The following COL6A6 variants were observed in gnomAD, a reference collection of about 807,000 sequenced individuals.
COL6A6 encodes collagen type VI alpha 6 chain, also known as collagen alpha-6(VI) chain.
Under a neutral mutation model 208.6 loss-of-function variants are expected in COL6A6, and 183 were observed. That is an observed-to-expected ratio of 0.88 (90% CI 0.78 to 0.99). The LOEUF (loss-of-function observed/expected upper bound fraction) is 0.99, where lower values mean the gene tolerates loss of function less well. Ranked by LOEUF, COL6A6 falls within the 50% of genes least tolerant of loss-of-function variation. COL6A6 has a pLI of 0.00. For synonymous variants in COL6A6, 973 were observed against 1,011.8 expected, an observed-to-expected ratio of 0.96 and a Z score of 0.73; for missense variants, 2,816 against 2,815.2, an observed-to-expected ratio of 1.00 and a Z score of -0.01.
Position 130,649,562 on chromosome 3 carries a change from G to A in COL6A6, c.5733G>A (p.Ala1911=), listed in dbSNP as rs781356101. The change falls in exon 33 of 37, where the codon GCG becomes GCA. Residue 1911 remains alanine (A), a splice_region_variant and synonymous_variant. Transcript: ENST00000358511. The part of the protein sequence containing the change: ...SNVPSVRRAF[A]IDDTGTFQVI... ...TGCCCTCGGTCAGGCGCGCATTTGC[G>A]GTATGAGGATGAAACCTTTCACATG... 4.4e-6 allele frequency: 7 copies of A among 1,576,220 alleles called. No homozygotes were observed. Among genetic ancestry groups the A allele is most frequent in the Middle Eastern group, 1.7e-4 (1 of 5,992 alleles).
At position 130,568,487 on chromosome 3, in the gene COL6A6, G is replaced by A. The variant is rs2063085420; in HGVS notation, c.2284G>A (p.Val762Ile). The A allele has an allele frequency of 1.9e-6, 3 of 1,613,858 alleles. No homozygotes were observed. Among genetic ancestry groups the A allele is most frequent in the South Asian group, 1.1e-5 (1 of 91,082 alleles). Reference sequence around the variant, plus strand: ...TTCTGTGGGAGTGTTTGGCTCCAATGTCACCCAGCTTGAGGAGATCAGTGG... The same window carrying A: ...TTCTGTGGGAGTGTTTGGCTCCAATATCACCCAGCTTGAGGAGATCAGTGG... ...IYSVGVFGSN[V>I]TQLEEISGRP... is the part of the protein sequence containing the mutation. The change falls in exon 6 of 37, where the codon GTC becomes ATC. Residue 762 changes from valine to isoleucine, a missense_variant. Val to Ile is a conservative substitution (Grantham distance 29). Coordinates refer to ENST00000358511, the MANE Select transcript of COL6A6 (RefSeq NM_001102608.3).
At chr3:130,661,592 TTTTCTA>T (rs754942917) in intron 34 of COL6A6, 39 bp from the exon 35 acceptor site, 1 of 1,492,024 alleles carries the variant, frequency 6.7e-7, no homozygotes, top group Non-Finnish European at 9.1e-7. Flanking sequence ...CTATCTTCCC[TTTTCTA>T]TTTCTACTTA....
chr3:130,555,002 T>A (rs2062735445), intron 1 of COL6A6, among the ~76,000 whole-genome samples: 1 of 152,128 alleles, frequency 6.6e-6, no homozygotes. Context: ...AGGGCAGCAC[T>A]CAGGTCAGAC....
In COL6A6 at chr3:130,571,322, T is replaced by C; in HGVS notation, c.2906T>C (p.Val969Ala). ...MAGSSDKYFF[V>A]ETFGGLKGIF... is the part of the protein sequence containing the mutation. ...GGATCAAGCGACAAGTACTTCTTCG[T>C]GGAGACTTTTGGAGGTCTGAAGGGA... is the stretch of plus-strand genomic sequence containing the variant. Residue 969 changes from valine (V) to alanine (A), a missense_variant, in exon 7 of 37, where the codon GTG (valine) becomes GCG (alanine). Val to Ala is a moderately conservative substitution (Grantham distance 64). Transcript: ENST00000358511. 1 of 1,613,164 alleles carries C rather than the reference T, an allele frequency of 6.2e-7. No individual in the cohort carries two copies. The highest frequency in any genetic ancestry group is 1.3e-5 in the African/African-American group (1 of 75,052).
At chr3:130,600,825 GT>G (rs1248205412) in intron 20 of COL6A6, among the ~76,000 whole-genome samples, 1 of 151,890 alleles carries the variant, frequency 6.6e-6, no homozygotes, top group Non-Finnish European at 1.5e-5. Context: ...ATACACTTAT[GT>G]AACAAACCTA....
Position 130,565,322 on chromosome 3 carries a change from G to A in COL6A6, c.990G>A (p.Gln330=). The change falls in exon 4 of 37, where the codon CAG becomes CAA. Residue 330 remains glutamine, a synonymous_variant. Coordinates refer to ENST00000358511, the MANE Select transcript of COL6A6 (RefSeq NM_001102608.3). The part of the protein sequence containing the change: ...FSARNGSRKN[Q]GVPQIAVLVT... ...CACGGAATGGCAGTCGGAAGAATCA[G>A]GGGGTGCCCCAGATTGCCGTGCTGG... 1 of 1,613,698 alleles carries A rather than the reference G, an allele frequency of 6.2e-7. No homozygotes were observed. The highest frequency in any genetic ancestry group is 8.5e-7 in the Non-Finnish European group (1 of 1,179,696).
chr3:130,576,673 A>AG, intron 8 of COL6A6, among the ~76,000 whole-genome samples: 1 of 151,938 alleles, frequency 6.6e-6, no homozygotes, highest in Non-Finnish European at 1.5e-5. Context: ...TGCAAAAAAA[A>AG]ATAAGAAAAA....
At chr3:130,546,971 C>G in intron 1 of COL6A6, among the ~76,000 whole-genome samples, 1 of 152,238 alleles carries the variant, frequency 6.6e-6, no homozygotes, top group East Asian at 1.9e-4. Flanking sequence ...TCTCCAAGTC[C>G]CCACCCAACT....
At chr3:130,673,074 G>A (rs1264179836) in intron 36 of COL6A6, among the ~76,000 whole-genome samples, 1 of 143,392 alleles carries the variant, frequency 7.0e-6, no homozygotes, top group Non-Finnish European at 1.5e-5. Flanking sequence ...AGCTACTCAC[G>A]AGGCTGAGGT....
intron 28 of COL6A6, 73 bp from the exon 29 acceptor site, chr3:130,641,579 T>G: frequency 1.4e-6 from 1 of 691,390 alleles, no homozygotes; most frequent in Non-Finnish European, 2.2e-6. Context: ...AATTTTAATT[T>G]TTTAAAATTT....
intron 1 of COL6A6, among the ~76,000 whole-genome samples, chr3:130,529,669 C>A (rs6439240): frequency 0.81 from 123,488 of 152,040 alleles, 50,743 homozygotes; most frequent in Non-Finnish European, 0.87. Flanking sequence ...TCTGCTTTTT[C>A]TGAGGTATCT....
In COL6A6 at chr3:130,556,742, T is replaced by G. The variant is rs60764494; in HGVS notation, c.-31-3592T>G. Among the ~76,000 whole-genome samples, 772 of 152,292 alleles carry G rather than the reference T, an allele frequency of 5.1e-3. 12 individuals carry two copies. The highest frequency in any genetic ancestry group is 0.017 in the African/African-American group (717 of 41,558). On this transcript the variant is annotated intron_variant, in intron 1 of 36. Coordinates refer to ENST00000358511, the MANE Select transcript of COL6A6 (RefSeq NM_001102608.3). ...ATTTCTAGTGGATTCTTTGCACTATTAAAATTTTAGTCCCCTGAAGTTCAT... is the reference window on the plus strand; with the variant it reads ...ATTTCTAGTGGATTCTTTGCACTATGAAAATTTTAGTCCCCTGAAGTTCAT...
chr3:130,606,744 G>A (rs1236440501), intron 20 of COL6A6, among the ~76,000 whole-genome samples, 187 bp from the exon 21 acceptor site: 3 of 152,096 alleles, frequency 2.0e-5, no homozygotes, highest in Non-Finnish European at 2.9e-5. Flanking sequence ...ATATTCAATT[G>A]CCCTAGGATA....
chr3:130,544,102 C>T (rs1262255229), intron 1 of COL6A6, among the ~76,000 whole-genome samples: 1 of 152,192 alleles, frequency 6.6e-6, no homozygotes, highest in African/African-American at 2.4e-5. Context: ...AATCTCCTGA[C>T]TTATTCATCC....
At chr3:130,590,114 A>G (rs1297683378) in intron 12 of COL6A6, 4 of 393,820 alleles carry the variant, frequency 1.0e-5, no homozygotes, top group Admixed American at 8.3e-5. Flanking sequence ...CTAGTTTATC[A>G]GTGGCAAATA....
In COL6A6 at chr3:130,561,777, C is replaced by T. The variant is rs200839611; in HGVS notation, c.65-1291C>T. Among the ~76,000 whole-genome samples the T allele has an allele frequency of 3.4e-3, 520 of 150,900 alleles. 3 individuals carry two copies. The highest frequency in any genetic ancestry group is 5.8e-3 in the Non-Finnish European group (391 of 67,758). On this transcript the variant is annotated intron_variant, in intron 2 of 36. Transcript: ENST00000358511. ...ACGCCATTCTCCTGCCTCAGCCTCC[C>T]GAGTAGCTGGGACTACAGGCGCCCG... is the stretch of plus-strand genomic sequence containing the variant.
At position 130,650,292 on chromosome 3, in the gene COL6A6, G is replaced by A. The variant is rs184551106; in HGVS notation, c.5733+730G>A. On this transcript the variant is annotated intron_variant, in intron 33 of 36. Coordinates refer to ENST00000358511, the MANE Select transcript of COL6A6 (RefSeq NM_001102608.3). Reference sequence around the variant, plus strand: ...TCCATGTGGAGACCGTGAAGGGGGGGGCCAGGGAGCAGCAAAGAGGCATTG... The same window carrying A: ...TCCATGTGGAGACCGTGAAGGGGGGAGCCAGGGAGCAGCAAAGAGGCATTG... 2.9e-3 allele frequency among the ~76,000 whole-genome samples: 445 copies of A among 152,244 alleles called. 3 individuals carry two copies. Among genetic ancestry groups the A allele is most frequent in the African/African-American group, 0.01 (422 of 41,538 alleles).
chr3:130,586,896 G>C (rs114979969), intron 11 of COL6A6, among the ~76,000 whole-genome samples: 1,558 of 152,130 alleles, frequency 0.01, 23 homozygotes, highest in African/African-American at 0.036. Flanking sequence ...AGGAAAGAGG[G>C]AAAAAGAAGA....
chr3:130,637,407 A>C (rs2065190638), intron 28 of COL6A6, among the ~76,000 whole-genome samples: 2 of 152,020 alleles, frequency 1.3e-5, no homozygotes, highest in South Asian at 4.2e-4. Flanking sequence ...ATTTTTAAAG[A>C]CAATAAACGA....
Sources: allele counts gnomAD v4.1 joint callset (sites outside exome capture counted in the v4.1 genomes callset), GRCh38; gene constraint gnomAD v4.1.1; transcripts MANE v1.5; gene names NCBI Gene and HGNC (gene_info 2026-07-23, HGNC 2026-07-21).